The following POPDC2 variants were observed in gnomAD, a reference collection of about 807,000 sequenced individuals.
POPDC2 encodes popeye domain cAMP effector 2, also known as popeye domain-containing protein 2.
POPDC2 carries 24 observed loss-of-function variants against 30.5 expected under a neutral mutation model. The observed-to-expected ratio is 0.79, with a 90% CI of 0.57 to 1.11. The LOEUF is 1.11. Ranked by LOEUF, POPDC2 falls within the 50% of genes least tolerant of loss-of-function variation. The pLI is 0.00. For missense variants in POPDC2, 409 were observed against 447.0 expected (o/e 0.91, Z 0.77); for synonymous variants, 185 against 183.3 (o/e 1.01, Z -0.07).
Position 119,648,034 on chromosome 3 carries a change from CACGA to C in POPDC2, c.*43+81_*43+84del. The C allele has an allele frequency of 4.4e-6, 5 of 1,131,468 alleles. No individual in the cohort carries two copies. In the South Asian group the frequency reaches 9.0e-5, roughly 20 times the overall value. 70.1% of individuals were successfully genotyped at this position (1,131,468 alleles called of 1,614,324 possible). A position where few individuals can be genotyped will look rare whatever the true frequency, so the allele number is the denominator to read the frequency against. On this transcript the variant is annotated intron_variant, in intron 3 of 3. Transcript: ENST00000493094. Reference sequence around the variant, plus strand: ...GTGAGTCCTCTAAGAGGAAATGTTCCACGAATGATTTTTTTTGCCCTAACAAGCT... The same window carrying C: ...GTGAGTCCTCTAAGAGGAAATGTTCCATGATTTTTTTTGCCCTAACAAGCT...
intron 2 of POPDC2, among the ~76,000 whole-genome samples, chr3:119,653,622 T>C (rs509985): frequency 0.7 from 106,250 of 151,690 alleles, 37,914 homozygotes; most frequent in Middle Eastern, 0.83. Context: ...GGACTACAGG[T>C]GCCCGCCACC....
At chr3:119,647,290 T>C (rs991107378) in intron 3 of POPDC2, among the ~76,000 whole-genome samples, 1 of 152,060 alleles carries the variant, frequency 6.6e-6, no homozygotes, top group Non-Finnish European at 1.5e-5. Flanking sequence ...TACATCATGG[T>C]TGGGTGGAGT....
chr3:119,647,564 T>C (rs1261204662), intron 3 of POPDC2, among the ~76,000 whole-genome samples: 1 of 152,242 alleles, frequency 6.6e-6, no homozygotes, highest in Non-Finnish European at 1.5e-5. Context: ...TCTGTCTGTG[T>C]GATCAACAAA....
chr3:119,642,709 T>C lies in POPDC2; in HGVS notation c.*44-148A>G, dbSNP rs546395135. ...CTGCCTGACATGATAGGGGCAGGTG[T>C]ACCTTCGAATCATTTCATACTAGAA... On this transcript the variant is annotated intron_variant, in intron 3 of 3. Coordinates refer to ENST00000493094, the MANE Select transcript of POPDC2 (RefSeq NM_001369919.2). The C allele has an allele frequency of 2.2e-4, 130 of 578,152 alleles. No individual in the cohort carries two copies. The African/African-American group carries it at 2.3e-3, about 10-fold the overall frequency. 35.8% of individuals were successfully genotyped at this position (578,152 alleles called of 1,614,324 possible).
intron 3 of POPDC2, among the ~76,000 whole-genome samples, chr3:119,645,604 AG>A (rs2052737720): frequency 6.6e-6 from 1 of 151,692 alleles, no homozygotes; most frequent in Non-Finnish European, 1.5e-5. Context: ...GAAAAGGAAA[AG>A]GAAAAAAAAA....
chr3:119,645,436 C>T (rs534817449), intron 3 of POPDC2, among the ~76,000 whole-genome samples: 3 of 152,230 alleles, frequency 2.0e-5, no homozygotes, highest in Non-Finnish European at 4.4e-5. Flanking sequence ...GTGGCGGGCG[C>T]CTATAGTCCC....
At chr3:119,658,022 C>A (rs749516759) in intron 1 of POPDC2, among the ~76,000 whole-genome samples, 38 of 152,290 alleles carry the variant, frequency 2.5e-4, no homozygotes, top group Non-Finnish European at 2.4e-4. Context: ...AAAAAGACTT[C>A]TGAGGTTTGA....
At chr3:119,644,942 C>G (rs2052728649) in intron 3 of POPDC2, among the ~76,000 whole-genome samples, 4 of 152,128 alleles carry the variant, frequency 2.6e-5, no homozygotes, top group Admixed American at 2.6e-4. Context: ...AGAACTGAGG[C>G]TAAATTATCC....
chr3:119,659,248 A>G (rs1037400833), intron 1 of POPDC2, among the ~76,000 whole-genome samples: 3 of 152,110 alleles, frequency 2.0e-5, no homozygotes, highest in African/African-American at 4.8e-5. Context: ...TAGGTGTATC[A>G]CTTCTCTTCT....
rs979783559 is a variant in POPDC2 at position 119,654,503 on chromosome 3, A to G, written c.600+2T>C. 2.5e-6 allele frequency: 4 copies of G among 1,600,458 alleles called. No individual in the cohort carries two copies. Among genetic ancestry groups the G allele is most frequent in the Non-Finnish European group, 3.4e-6 (4 of 1,168,178 alleles). ...CGGTGCTGCCACCAGGCTCCCTGTT[A>G]CCTGGAACACCCCCTCCTCAGAAGG... On this transcript the variant is annotated splice_donor_variant, in intron 2 of 3. Coordinates refer to ENST00000493094, the MANE Select transcript of POPDC2 (RefSeq NM_001369919.2). LOFTEE classifies it high-confidence loss of function.
intron 3 of POPDC2, among the ~76,000 whole-genome samples, chr3:119,646,993 A>G (rs2052752880): frequency 6.6e-6 from 1 of 152,222 alleles, no homozygotes; most frequent in Non-Finnish European, 1.5e-5. Context: ...ATTACCTCAG[A>G]ATGAGCTGAA....
At chr3:119,654,379 C>G in intron 2 of POPDC2, 126 bp downstream of exon 2, 1 of 681,768 alleles carries the variant, frequency 1.5e-6, no homozygotes, top group East Asian at 2.7e-5. Flanking sequence ...AAGAGTGCCC[C>G]CGCCTGTAGC....
rs2052698200 is a variant in POPDC2 at position 119,642,208 on chromosome 3, A to G, written c.*397T>C. ...CCGATGAGGCTCACAGAGGCTATGT[A>G]ACTTGCCCAAGATTCTGCAGCTGGT... On this transcript the variant is annotated 3_prime_UTR_variant, in exon 4 of 4. Transcript: ENST00000493094. The G allele has an allele frequency of 1.0e-5, 3 of 293,406 alleles. No individual in the cohort carries two copies. Among genetic ancestry groups the G allele is most frequent in the African/African-American group, 6.4e-5 (3 of 47,208 alleles). The allele number at this position is 293,406 out of a possible 1,614,324, so 18.2% of individuals were successfully genotyped here. A position where few individuals can be genotyped will look rare whatever the true frequency, so the allele number is the denominator to read the frequency against.
In POPDC2 at chr3:119,642,571, GA is replaced by G; in HGVS notation, c.*44-11del. The G allele has an allele frequency of 6.4e-7, 1 of 1,570,574 alleles. No individual in the cohort carries two copies. Among genetic ancestry groups the G allele is most frequent in the Non-Finnish European group, 8.8e-7 (1 of 1,141,478 alleles). On this transcript the variant is annotated splice_polypyrimidine_tract_variant and intron_variant, in intron 3 of 3. Coordinates refer to ENST00000493094, the MANE Select transcript of POPDC2 (RefSeq NM_001369919.2). ...AGAGGAATTCTAGAAGCTGTGGAAA[GA>G]AAAAGAGGGAGGATTTTAGCACTAT...
In POPDC2 at chr3:119,648,400, C is replaced by G. The variant is rs2052768753; in HGVS notation, c.869G>C (p.Cys290Ser). Residue 290 changes from cysteine to serine, a missense_variant, in exon 3 of 4, where the codon TGT becomes TCT. By Grantham distance (112) the Cys-to-Ser change is moderately radical (BLOSUM62 -1). Transcript: ENST00000493094. The part of the protein sequence containing the change: ...PESEKGDEEV[C>S]EPAVSPPQAT... ...CTGAGGAGGGGACACAGCTGGCTCA[C>G]AGACTTCCTCATCACCCTTCTCGGA... The G allele has an allele frequency of 6.2e-7, 1 of 1,614,036 alleles. No homozygotes were observed. The highest frequency in any genetic ancestry group is 1.3e-5 in the African/African-American group (1 of 74,910).
chr3:119,660,292 GC>G lies in POPDC2; in HGVS notation c.131del (p.Gly44AlafsTer14), dbSNP rs1240873792. On this transcript the variant is annotated frameshift_variant, in exon 1 of 4. Coordinates refer to ENST00000493094, the MANE Select transcript of POPDC2 (RefSeq NM_001369919.2). LOFTEE classifies it high-confidence loss of function. ...NCLLLLGFMGGSGVYGCFYLF... is the reference protein window; with the variant it reads ...NCLLLLGFMGXSGVYGCFYLF... ...GATAGAAGCATCCATACACCCCACTGCCCCCCATGAAGCCCAGGAGTAAGAG... is the reference window on the plus strand; with the variant it reads ...GATAGAAGCATCCATACACCCCACTGCCCCCATGAAGCCCAGGAGTAAGAG... 1.1e-4 allele frequency: 173 copies of G among 1,613,996 alleles called. No homozygotes were observed. The highest frequency in any genetic ancestry group is 1.4e-4 in the Non-Finnish European group (166 of 1,180,026).
intron 2 of POPDC2, among the ~76,000 whole-genome samples, 187 bp from the exon 3 acceptor site, chr3:119,648,855 G>A (rs1298944878): frequency 6.6e-6 from 1 of 152,152 alleles, no homozygotes; most frequent in South Asian, 2.1e-4. Flanking sequence ...CACTGATATG[G>A]GGGGGTCCTG....
At chr3:119,651,803 T>G (rs571592194) in intron 2 of POPDC2, among the ~76,000 whole-genome samples, 2 of 152,168 alleles carry the variant, frequency 1.3e-5, no homozygotes, top group African/African-American at 4.8e-5. Context: ...CCTGGCTAAT[T>G]TTTGTATTTT....
At chr3:119,645,677 CTAGT>C (rs1364259296) in intron 3 of POPDC2, among the ~76,000 whole-genome samples, 6 of 152,070 alleles carry the variant, frequency 3.9e-5, no homozygotes, top group African/African-American at 1.4e-4. Flanking sequence ...GAGGGAACTG[CTAGT>C]TAAACAAGAC....
Sources: allele counts gnomAD v4.1 joint callset (sites outside exome capture counted in the v4.1 genomes callset), GRCh38; gene constraint gnomAD v4.1.1; transcripts MANE v1.5; gene names NCBI Gene and HGNC (gene_info 2026-07-23, HGNC 2026-07-21).